PHACTR3: variants seen among roughly 807,000 people sequenced by gnomAD.
PHACTR3 encodes the protein protein phosphatase 1, regulatory subunit 123.
In PHACTR3, 16 loss-of-function variants were observed where a neutral mutation model predicts 66.8. That is an observed-to-expected ratio of 0.24 (90% CI 0.16 to 0.36). PHACTR3 has a LOEUF of 0.36. Among genes scored for constraint, PHACTR3 ranks in the 10% least tolerant of loss-of-function variants. The probability of loss-of-function intolerance (pLI) is 1.00; values close to 1 mark genes in which losing one functional copy is unlikely to be tolerated. For missense variants in PHACTR3, 647 were observed against 719.9 expected (o/e 0.90, Z 1.16); for synonymous variants, 323 against 292.1 (o/e 1.11, Z -1.08).
intron 1 of PHACTR3, among the ~76,000 whole-genome samples, chr20:59,618,676 C>G (rs1334850305): frequency 2.0e-5 from 3 of 152,236 alleles, no homozygotes. Context: ...AAAGGCTCCT[C>G]CCAGGATCCT....
intron 4 of PHACTR3, 140 bp from the exon 5 acceptor site, chr20:59,767,046 G>A: frequency 1.4e-6 from 1 of 720,216 alleles, no homozygotes; most frequent in Non-Finnish European, 2.4e-6. Context: ...GAACTTGCAG[G>A]AAGTCAAGTG....
chr20:59,577,724 T>C (rs1001819001), intron 1 of PHACTR3: 16 of 813,662 alleles, frequency 2.0e-5, no homozygotes, highest in Non-Finnish European at 2.5e-5. Context: ...CCTTGGCCGT[T>C]GCGGGTGGCC....
chr20:59,640,909 G>A (rs1232989340), intron 1 of PHACTR3, among the ~76,000 whole-genome samples: 1 of 152,102 alleles, frequency 6.6e-6, no homozygotes, highest in Non-Finnish European at 1.5e-5. Context: ...CAGTAGAGTA[G>A]GGACTCATAA....
At chr20:59,776,624 C>CA (rs1252661165) in intron 7 of PHACTR3, among the ~76,000 whole-genome samples, 1 of 152,210 alleles carries the variant, frequency 6.6e-6, no homozygotes, top group Non-Finnish European at 1.5e-5. Context: ...GCAGTGTCCT[C>CA]ACGCCTGGCG....
At chr20:59,768,518 G>A (rs369803336) in intron 5 of PHACTR3, among the ~76,000 whole-genome samples, 30 of 152,352 alleles carry the variant, frequency 2.0e-4, no homozygotes, top group African/African-American at 6.7e-4. Flanking sequence ...CCCAAAGCTT[G>A]TTGCTACCAC....
At chr20:59,819,948 T>C (rs931318300) in intron 8 of PHACTR3, among the ~76,000 whole-genome samples, 10 of 152,244 alleles carry the variant, frequency 6.6e-5, no homozygotes, top group African/African-American at 2.2e-4. Flanking sequence ...ACAGAAGCTG[T>C]TGGCATTTAG....
At chr20:59,781,265 A>C (rs1242226787) in intron 7 of PHACTR3, among the ~76,000 whole-genome samples, 1 of 152,192 alleles carries the variant, frequency 6.6e-6, no homozygotes, top group African/African-American at 2.4e-5. Flanking sequence ...ACCGGGGTCT[A>C]TGTGCCAGGA....
chr20:59,600,531 C>T (rs924581565), upstream of PHACTR3, among the ~76,000 whole-genome samples: 1 of 152,108 alleles, frequency 6.6e-6, no homozygotes, highest in Non-Finnish European at 1.5e-5. Context: ...CTCACCACTC[C>T]CTAATGAGCA....
chr20:59,622,997 A>AAAAAAAAAAAAAG (rs2034310417), intron 1 of PHACTR3, among the ~76,000 whole-genome samples: 1 of 145,448 alleles, frequency 6.9e-6, no homozygotes, highest in Non-Finnish European at 1.5e-5. Context: ...AAAAAAAAAA[A>AAAAAAAAAAAAAG]AAAACCCAAA....
chr20:59,598,585 C>T (rs1445737546), intron 1 of PHACTR3, among the ~76,000 whole-genome samples: 1 of 152,160 alleles, frequency 6.6e-6, no homozygotes, highest in African/African-American at 2.4e-5. Flanking sequence ...AGGGCAGAGG[C>T]CATGAATGGT....
chr20:59,650,625 G>A (rs1416065202), intron 1 of PHACTR3, among the ~76,000 whole-genome samples: 2 of 151,174 alleles, frequency 1.3e-5, no homozygotes, highest in South Asian at 2.1e-4. Flanking sequence ...GACCTATCCC[G>A]TTGAGCTGGG....
chr20:59,753,305 C>T (rs1283562946), intron 3 of PHACTR3, among the ~76,000 whole-genome samples: 1 of 152,192 alleles, frequency 6.6e-6, no homozygotes, highest in Non-Finnish European at 1.5e-5. Context: ...GATCGTCCAG[C>T]CCTAAATCTC....
chr20:59,679,635 C>A (rs1418487780), intron 1 of PHACTR3, among the ~76,000 whole-genome samples: 1 of 152,038 alleles, frequency 6.6e-6, no homozygotes, highest in Non-Finnish European at 1.5e-5. Flanking sequence ...GTACCCAAGA[C>A]TGGGTAATTT....
At chr20:59,811,780 C>G (rs1013995296) in intron 8 of PHACTR3, among the ~76,000 whole-genome samples, 1 of 152,184 alleles carries the variant, frequency 6.6e-6, no homozygotes, top group Non-Finnish European at 1.5e-5. Flanking sequence ...GTGCAGCAAG[C>G]AGGCTAGAGC....
intron 1 of PHACTR3, among the ~76,000 whole-genome samples, chr20:59,655,043 T>C (rs2035572273): frequency 3.3e-5 from 5 of 152,130 alleles, no homozygotes; most frequent in Admixed American, 3.3e-4. Context: ...AGGATTCTTG[T>C]ACAAGTCCTT....
chr20:59,623,117 TG>T (rs1336809083), intron 1 of PHACTR3, among the ~76,000 whole-genome samples: 1 of 151,572 alleles, frequency 6.6e-6, no homozygotes, highest in Non-Finnish European at 1.5e-5. Context: ...TGTTTTTTTG[TG>T]GGAGGCAGGA....
At chr20:59,739,302 A>C (rs552459649) in intron 1 of PHACTR3, among the ~76,000 whole-genome samples, 1 of 152,146 alleles carries the variant, frequency 6.6e-6, no homozygotes, top group Admixed American at 6.5e-5. Context: ...TGCTTTGTGG[A>C]GCATCTGTGG....
intron 1 of PHACTR3, among the ~76,000 whole-genome samples, chr20:59,699,007 T>C (rs547379222): frequency 2.6e-5 from 4 of 152,226 alleles, no homozygotes; most frequent in African/African-American, 9.6e-5. Flanking sequence ...GATGCCCAAA[T>C]CCCTAGGTCA....
chr20:59,650,680 A>G (rs2035430469), intron 1 of PHACTR3, among the ~76,000 whole-genome samples: 1 of 151,316 alleles, frequency 6.6e-6, no homozygotes, highest in Non-Finnish European at 1.5e-5. Context: ...TTCCCTGGAG[A>G]AAATCACATT....
Sources: allele counts gnomAD v4.1 joint callset (sites outside exome capture counted in the v4.1 genomes callset), GRCh38; gene constraint gnomAD v4.1.1; transcripts MANE v1.5; gene names NCBI Gene and HGNC (gene_info 2026-07-23, HGNC 2026-07-21).